The following ZDHHC17 variants were observed in gnomAD, a reference collection of about 807,000 sequenced individuals.
ZDHHC17 encodes palmitoyltransferase ZDHHC17.
A neutral mutation model predicts 90.3 loss-of-function variants in ZDHHC17; 40 were observed. The observed-to-expected ratio is 0.44, with a 90% CI of 0.34 to 0.58. The LOEUF (loss-of-function observed/expected upper bound fraction) is 0.58, where lower values mean the gene tolerates loss of function less well. ZDHHC17 is among the 20% of genes least tolerant of loss of function. The probability of loss-of-function intolerance (pLI) is 0.01; values close to 1 mark genes in which losing one functional copy is unlikely to be tolerated. For missense variants in ZDHHC17, 614 were observed against 780.8 expected (o/e 0.79, Z 2.55); for synonymous variants, 235 against 252.4 (o/e 0.93, Z 0.65).
At chr12:76,768,325 G>C (rs1952454406) in intron 1 of ZDHHC17, among the ~76,000 whole-genome samples, 1 of 152,154 alleles carries the variant, frequency 6.6e-6, no homozygotes, top group Non-Finnish European at 1.5e-5. Context: ...CAGTTTTGTT[G>C]CTTTTAAGAT....
At position 76,786,038 on chromosome 12, in the gene ZDHHC17, G is replaced by A. The variant is rs1004602670; in HGVS notation, c.94-11396G>A. Among the ~76,000 whole-genome samples, 11 of 152,256 alleles carry A rather than the reference G, an allele frequency of 7.2e-5. No individual in the cohort carries two copies. The East Asian group carries it at 7.7e-4, about 11-fold the overall frequency. ...GGACGGATTTATTTTGAGAAAAGAA[G>A]CATTGCGACTTGGTGAATATTTGAA... is the stretch of plus-strand genomic sequence containing the variant. On this transcript the variant is annotated intron_variant, in intron 1 of 16. Transcript: ENST00000426126.
intron 10 of ZDHHC17, among the ~76,000 whole-genome samples, chr12:76,835,359 G>A (rs181056874): frequency 2.0e-5 from 3 of 152,054 alleles, no homozygotes; most frequent in African/African-American, 4.8e-5. Flanking sequence ...CCAGTCTTAC[G>A]CCATTTTGAT....
Position 76,809,809 on chromosome 12 carries a change from T to C in ZDHHC17, c.495T>C (p.Ala165=). 15 of 1,610,882 alleles carry C rather than the reference T, an allele frequency of 9.3e-6. No homozygotes were observed. Among genetic ancestry groups the C allele is most frequent in the Non-Finnish European group, 1.2e-5 (14 of 1,178,540 alleles). The change falls in exon 5 of 17, where the codon GCT becomes GCC. Residue 165 remains alanine (A), a synonymous_variant. Transcript: ENST00000426126. The part of the protein sequence containing the change: ...GEGCSCIHLA[A]QFGHTSIVAY... ...GATGTAGCTGTATTCATCTGGCTGC[T>C]CAGTTCGGACATACCTCAATTGTTG...
chr12:76,852,457 A>T lies in ZDHHC17; in HGVS notation c.*1472A>T, dbSNP rs1285233868. ...CATTTCATTTTGTCCAACCAAAAAGAAAAGGGAGATAACTAATGAGCTTCT... is the reference window on the plus strand; with the variant it reads ...CATTTCATTTTGTCCAACCAAAAAGTAAAGGGAGATAACTAATGAGCTTCT... On this transcript the variant is annotated 3_prime_UTR_variant, in exon 17 of 17. Coordinates refer to ENST00000426126, the MANE Select transcript of ZDHHC17 (RefSeq NM_015336.4). 6.5e-6 allele frequency: 1 copy of T among 152,672 alleles called. No homozygotes were observed. The highest frequency in any genetic ancestry group is 2.4e-5 in the African/African-American group (1 of 41,462). 9.5% of individuals were successfully genotyped at this position (152,672 alleles called of 1,614,324 possible).
intron 1 of ZDHHC17, among the ~76,000 whole-genome samples, chr12:76,783,559 C>T (rs1006135005): frequency 6.6e-6 from 1 of 152,258 alleles, no homozygotes; most frequent in Non-Finnish European, 1.5e-5. Context: ...GAATACAGTT[C>T]AAGATGAGAT....
At chr12:76,833,709 A>G (rs1437057124) in intron 10 of ZDHHC17, among the ~76,000 whole-genome samples, 1 of 152,138 alleles carries the variant, frequency 6.6e-6, no homozygotes, top group Admixed American at 6.5e-5. Flanking sequence ...GGAGAATGGC[A>G]TGAACCTGGG....
chr12:76,848,123 T>A, intron 14 of ZDHHC17, 110 bp from the exon 15 acceptor site: 1 of 1,113,858 alleles, frequency 9.0e-7, no homozygotes, highest in South Asian at 1.7e-5. Context: ...ATGTCATCAG[T>A]TAAATCTAGA....
chr12:76,797,625 A>T (rs1283123392), intron 2 of ZDHHC17, 88 bp downstream of exon 2: 1 of 1,046,018 alleles, frequency 9.6e-7, no homozygotes, highest in East Asian at 2.8e-5. Context: ...CTTTGGGAAA[A>T]ACATCAGTAT....
chr12:76,845,618 T>C, intron 12 of ZDHHC17, 91 bp from the exon 13 acceptor site: 1 of 498,976 alleles, frequency 2.0e-6, no homozygotes, highest in Non-Finnish European at 3.3e-6. Flanking sequence ...ATAGTTTTAT[T>C]TTTTTATAAT....
At chr12:76,785,665 C>T (rs765571012) in intron 1 of ZDHHC17, among the ~76,000 whole-genome samples, 10 of 152,166 alleles carry the variant, frequency 6.6e-5, no homozygotes, top group Admixed American at 4.6e-4. Flanking sequence ...GCTATGGTGA[C>T]TCTTGAATTG....
intron 1 of ZDHHC17, among the ~76,000 whole-genome samples, chr12:76,790,354 T>G (rs750009170): frequency 1.3e-5 from 2 of 151,952 alleles, no homozygotes; most frequent in East Asian, 3.9e-4. Flanking sequence ...ATACAAAAAT[T>G]AGCTGGGCTT....
chr12:76,828,512 C>T, intron 10 of ZDHHC17, 22 bp downstream of exon 10: 1 of 1,604,378 alleles, frequency 6.2e-7, no homozygotes, highest in Non-Finnish European at 8.5e-7. Context: ...TTATAAAGAT[C>T]ATACCAAAAA....
intron 1 of ZDHHC17, among the ~76,000 whole-genome samples, chr12:76,772,899 C>A (rs1952512773): frequency 2.0e-5 from 3 of 151,824 alleles, no homozygotes; most frequent in Admixed American, 6.6e-5. Context: ...TCTTGTTGCC[C>A]AGGCTGGAGT....
At chr12:76,775,110 C>T (rs534869147) in intron 1 of ZDHHC17, among the ~76,000 whole-genome samples, 41 of 152,292 alleles carry the variant, frequency 2.7e-4, no homozygotes, top group Non-Finnish European at 4.0e-4. Context: ...CCACCATGCC[C>T]GGCCTCTTTG....
intron 7 of ZDHHC17, among the ~76,000 whole-genome samples, chr12:76,818,426 A>G (rs1012685032): frequency 2.6e-5 from 4 of 152,208 alleles, no homozygotes; most frequent in African/African-American, 9.6e-5. Context: ...CAAGACAGAT[A>G]AGGTCTCTAT....
At chr12:76,765,243 GTC>G (rs1952418333) in intron 1 of ZDHHC17, among the ~76,000 whole-genome samples, 2 of 152,210 alleles carry the variant, frequency 1.3e-5, no homozygotes, top group South Asian at 4.1e-4. Context: ...AAACATGGAA[GTC>G]TCTACCTGGT....
intron 16 of ZDHHC17, 28 bp downstream of exon 16, chr12:76,849,498 T>C: frequency 7.1e-7 from 1 of 1,414,668 alleles, no homozygotes; most frequent in Non-Finnish European, 9.5e-7. Context: ...AATTTAATAT[T>C]TTACCTGGTC....
At position 76,853,542 on chromosome 12, in the gene ZDHHC17, CTTTA is replaced by C. The variant is rs1431953352; in HGVS notation, c.*2563_*2566del. ...TATGGATGTTTTTATTTTATATTTT[CTTTA>C]TTTATAACTGTGCCAAGTATTATTT... is the stretch of plus-strand genomic sequence containing the variant. On this transcript the variant is annotated 3_prime_UTR_variant, in exon 17 of 17. Transcript: ENST00000426126. 3 of 151,920 alleles carry C rather than the reference CTTTA, an allele frequency of 2.0e-5. No individual in the cohort carries two copies. The highest frequency in any genetic ancestry group is 1.3e-4 in the Admixed American group (2 of 15,216). The allele number at this position is 151,920 out of a possible 1,614,324, so 9.4% of individuals were successfully genotyped here.
chr12:76,780,518 C>A (rs886171806), intron 1 of ZDHHC17, among the ~76,000 whole-genome samples: 8 of 152,162 alleles, frequency 5.3e-5, no homozygotes, highest in Non-Finnish European at 1.2e-4. Flanking sequence ...TTCTTTGATT[C>A]CATGTCACTT....
Sources: allele counts gnomAD v4.1 joint callset (sites outside exome capture counted in the v4.1 genomes callset), GRCh38; gene constraint gnomAD v4.1.1; transcripts MANE v1.5; gene names NCBI Gene and HGNC (gene_info 2026-07-23, HGNC 2026-07-21).